The following C9orf40 variants were observed in gnomAD, a reference collection of about 807,000 sequenced individuals.
C9orf40 encodes the protein chromosome 9 open reading frame 40.
A neutral mutation model predicts 7.9 loss-of-function variants in C9orf40; 2 were observed. The observed-to-expected ratio is 0.25, with a 90% CI of 0.10 to 0.80. The LOEUF (loss-of-function observed/expected upper bound fraction) is 0.80. Ranked by LOEUF, C9orf40 falls within the 30% of genes least tolerant of loss-of-function variation. The pLI, the probability that C9orf40 is intolerant of heterozygous loss-of-function variation, is 0.68. For synonymous variants in C9orf40, 113 were observed against 117.6 expected (o/e 0.96, Z 0.25); for missense variants, 256 against 268.5 (o/e 0.95, Z 0.33).
At position 74,952,687 on chromosome 9, in the gene C9orf40, G is replaced by A; in HGVS notation, c.-76C>T. ...ATAGCTGCGGGGGGCGAAGAGCGAG[G>A]ACTGAGCGCGTGAGAGAGGGACAGG... On this transcript the variant is annotated 5_prime_UTR_variant, in exon 1 of 2. Coordinates refer to ENST00000376854, the MANE Select transcript of C9orf40 (RefSeq NM_017998.3). This position sits in a 1 kb window ranked among gnomAD's most constrained non-coding sequence, Gnocchi z 5.4. 2 of 1,362,192 alleles carry A rather than the reference G, an allele frequency of 1.5e-6. No individual in the cohort carries two copies. The highest frequency in any genetic ancestry group is 2.6e-4 in the Middle Eastern group (1 of 3,886). The allele number at this position is 1,362,192 out of a possible 1,614,324, so 84.4% of individuals were successfully genotyped here.
intron 1 of C9orf40, among the ~76,000 whole-genome samples, chr9:74,948,629 G>T (rs542838240): frequency 1.8e-4 from 27 of 152,028 alleles, no homozygotes; most frequent in Non-Finnish European, 3.5e-4. Context: ...TATTTTAGGA[G>T]ATTTACTTTA....
chr9:74,952,779 AG>A lies in C9orf40; in HGVS notation c.-169del. 3 of 568,842 alleles carry A rather than the reference AG, an allele frequency of 5.3e-6. No individual in the cohort carries two copies. The highest frequency in any genetic ancestry group is 8.8e-6 in the Non-Finnish European group (3 of 339,514). The allele number at this position is 568,842 out of a possible 1,614,324, so 35.2% of individuals were successfully genotyped here. On this transcript the variant is annotated 5_prime_UTR_variant, in exon 1 of 2. Transcript: ENST00000376854. The surrounding 1 kb of genome is among the most constrained non-coding windows in gnomAD (Gnocchi z 5.4). ...GGGCGGGGCAGCTCGCGCAGGGCCT[AG>A]GGCTGGGGCTCCGGCTCGGAGGCAG...
In C9orf40 at chr9:74,952,169, CCG is replaced by C; in HGVS notation, c.426+15_426+16del. 2.2e-6 allele frequency: 1 copy of C among 464,154 alleles called. No individual in the cohort carries two copies. The highest frequency in any genetic ancestry group is 3.4e-6 in the Non-Finnish European group (1 of 297,694). 28.8% of individuals were successfully genotyped at this position (464,154 alleles called of 1,614,324 possible). Reference sequence around the variant, plus strand: ...CAAGCCCCTTCGCCCCTCAGCCCACCCGCCCCCAGCCCCTACCTGGCGCGATG... The same window carrying C: ...CAAGCCCCTTCGCCCCTCAGCCCACCCCCCCAGCCCCTACCTGGCGCGATG... On this transcript the variant is annotated intron_variant, in intron 1 of 1. Coordinates refer to ENST00000376854, the MANE Select transcript of C9orf40 (RefSeq NM_017998.3). This position sits in a 1 kb window ranked among gnomAD's most constrained non-coding sequence, Gnocchi z 5.4.
chr9:74,952,088 T>C lies in C9orf40; in HGVS notation c.426+98A>G. 2 of 458,218 alleles carry C rather than the reference T, an allele frequency of 4.4e-6. No individual in the cohort carries two copies. The highest frequency in any genetic ancestry group is 7.2e-6 in the Non-Finnish European group (2 of 277,302). 28.4% of individuals were successfully genotyped at this position (458,218 alleles called of 1,614,324 possible). The stretch of plus-strand genomic sequence containing the variant: ...CTTCTTTCAACCCCCTCAGGCGTCT[T>C]AACCTACACAAGTCATGAGTGGGAA... On this transcript the variant is annotated intron_variant, in intron 1 of 1. Transcript: ENST00000376854. The surrounding 1 kb of genome is among the most constrained non-coding windows in gnomAD (Gnocchi z 5.4).
At chr9:74,948,239 A>G in intron 1 of C9orf40, 33 bp from the exon 2 acceptor site, 1 of 1,506,778 alleles carries the variant, frequency 6.6e-7, no homozygotes, top group Non-Finnish European at 8.9e-7. Context: ...AAAGAGCATC[A>G]ATAGCTTAGA....
chr9:74,950,116 C>G (rs956971195), intron 1 of C9orf40, among the ~76,000 whole-genome samples: 12 of 152,108 alleles, frequency 7.9e-5, no homozygotes, highest in African/African-American at 2.9e-4. Context: ...CCCCAAGACC[C>G]TTTTTTAAAA....
intron 1 of C9orf40, among the ~76,000 whole-genome samples, chr9:74,950,869 T>A (rs1242722534): frequency 2.0e-5 from 3 of 152,160 alleles, no homozygotes. Flanking sequence ...AATTCCTAAG[T>A]CTAGACCAAA....
chr9:74,947,982 G>T lies in C9orf40; in HGVS notation c.*66C>A. ...GTATGGAAAATAACTTTTCCCTTAAGAATACGAGAATTCACTTAGAGACAT... is the reference window on the plus strand; with the variant it reads ...GTATGGAAAATAACTTTTCCCTTAATAATACGAGAATTCACTTAGAGACAT... On this transcript the variant is annotated 3_prime_UTR_variant, in exon 2 of 2. Coordinates refer to ENST00000376854, the MANE Select transcript of C9orf40 (RefSeq NM_017998.3). The T allele has an allele frequency of 6.9e-7, 1 of 1,453,406 alleles. No individual in the cohort carries two copies. The highest frequency in any genetic ancestry group is 9.4e-7 in the Non-Finnish European group (1 of 1,063,314). The allele number at this position is 1,453,406 out of a possible 1,614,324, so 90.0% of individuals were successfully genotyped here.
At chr9:74,951,742 G>A (rs1037092909) in intron 1 of C9orf40, among the ~76,000 whole-genome samples, 1 of 152,302 alleles carries the variant, frequency 6.6e-6, no homozygotes, top group South Asian at 2.1e-4. Context: ...CTACCACACT[G>A]GTCTCCCTCT....
Position 74,952,155 on chromosome 9 carries a change from G to T in C9orf40, c.426+31C>A. 1 of 584,346 alleles carries T rather than the reference G, an allele frequency of 1.7e-6. No homozygotes were observed. Among genetic ancestry groups the T allele is most frequent in the Non-Finnish European group, 2.5e-6 (1 of 403,044 alleles). 36.2% of individuals were successfully genotyped at this position (584,346 alleles called of 1,614,324 possible). A position where few individuals can be genotyped will look rare whatever the true frequency, so the allele number is the denominator to read the frequency against. On this transcript the variant is annotated intron_variant, in intron 1 of 1. Transcript: ENST00000376854. This position sits in a 1 kb window ranked among gnomAD's most constrained non-coding sequence, Gnocchi z 5.4. ...GTGTGGGGAAAAGGCAAGCCCCTTC[G>T]CCCCTCAGCCCACCCGCCCCCAGCC...
rs1191829267 is a variant in C9orf40 at position 74,946,634 on chromosome 9, C to G, written c.*1414G>C. On this transcript the variant is annotated 3_prime_UTR_variant, in exon 2 of 2. Coordinates refer to ENST00000376854, the MANE Select transcript of C9orf40 (RefSeq NM_017998.3). Reference sequence around the variant, plus strand: ...CATTTTACAGGTGAGAAATTTGAGGCTTGGAGATGAAAAATAACTGGCTTA... The same window carrying G: ...CATTTTACAGGTGAGAAATTTGAGGGTTGGAGATGAAAAATAACTGGCTTA... The G allele has an allele frequency of 1.3e-5, 2 of 151,996 alleles. No homozygotes were observed. Among genetic ancestry groups the G allele is most frequent in the Non-Finnish European group, 2.9e-5 (2 of 67,978 alleles). 9.4% of individuals were successfully genotyped at this position (151,996 alleles called of 1,614,324 possible). A position where few individuals can be genotyped will look rare whatever the true frequency, so the allele number is the denominator to read the frequency against.
Position 74,952,784 on chromosome 9 carries a change from T to G in C9orf40, c.-173A>C, listed in dbSNP as rs1465059431. 13 of 550,264 alleles carry G rather than the reference T, an allele frequency of 2.4e-5. No individual in the cohort carries two copies. Among genetic ancestry groups the G allele is most frequent in the Non-Finnish European group, 4.0e-5 (13 of 326,436 alleles). The allele number at this position is 550,264 out of a possible 1,614,324, so 34.1% of individuals were successfully genotyped here. ...GGGCAGCTCGCGCAGGGCCTAGGGC[T>G]GGGGCTCCGGCTCGGAGGCAGCTCC... On this transcript the variant is annotated 5_prime_UTR_variant, in exon 1 of 2. Coordinates refer to ENST00000376854, the MANE Select transcript of C9orf40 (RefSeq NM_017998.3). The surrounding 1 kb of genome is among the most constrained non-coding windows in gnomAD (Gnocchi z 5.4).
chr9:74,949,911 C>T (rs7860570), intron 1 of C9orf40, among the ~76,000 whole-genome samples: 2,056 of 152,044 alleles, frequency 0.014, 42 homozygotes, highest in African/African-American at 0.048. Flanking sequence ...CCTGTAATCC[C>T]AGCTATTTGG....
intron 1 of C9orf40, among the ~76,000 whole-genome samples, chr9:74,949,899 C>T (rs539274760): frequency 5.3e-5 from 8 of 152,150 alleles, no homozygotes; most frequent in Non-Finnish European, 1.0e-4. Flanking sequence ...CAGTGGCTCA[C>T]GCCTGTAATC....
Position 74,952,650 on chromosome 9 carries a change from G to A in C9orf40, c.-39C>T. ...CGGGCGGAGCCCGCCAGGCGCGGGA[G>A]ACCGAGTGCCGATAGCTGCGGGGGG... On this transcript the variant is annotated 5_prime_UTR_variant, in exon 1 of 2. Transcript: ENST00000376854. This position sits in a 1 kb window ranked among gnomAD's most constrained non-coding sequence, Gnocchi z 5.4. The A allele has an allele frequency of 6.7e-7, 1 of 1,503,178 alleles. No homozygotes were observed. The highest frequency in any genetic ancestry group is 8.8e-7 in the Non-Finnish European group (1 of 1,130,584). 93.1% of individuals were successfully genotyped at this position (1,503,178 alleles called of 1,614,324 possible).
At chr9:74,950,834 T>C (rs563262016) in intron 1 of C9orf40, among the ~76,000 whole-genome samples, 1 of 152,256 alleles carries the variant, frequency 6.6e-6, no homozygotes, top group Admixed American at 6.5e-5. Context: ...TCCCCTGCCA[T>C]TCAGGATTGT....
chr9:74,952,736 A>T lies in C9orf40; in HGVS notation c.-125T>A. 1 of 844,028 alleles carries T rather than the reference A, an allele frequency of 1.2e-6. No homozygotes were observed. The highest frequency in any genetic ancestry group is 1.8e-5 in the African/African-American group (1 of 55,924). The allele number at this position is 844,028 out of a possible 1,614,324, so 52.3% of individuals were successfully genotyped here. A position where few individuals can be genotyped will look rare whatever the true frequency, so the allele number is the denominator to read the frequency against. ...GGCCGAAGTCGGGCGAGGAGGCGACAGGACGCTGGAGGGGGTAGGGCGGGG... is the reference window on the plus strand; with the variant it reads ...GGCCGAAGTCGGGCGAGGAGGCGACTGGACGCTGGAGGGGGTAGGGCGGGG... On this transcript the variant is annotated 5_prime_UTR_variant, in exon 1 of 2. Transcript: ENST00000376854. The surrounding 1 kb of genome is among the most constrained non-coding windows in gnomAD (Gnocchi z 5.4).
rs1027593250 is a variant in C9orf40, at chr9:74,946,613, T to C, written c.*1435A>G. ...TAGATACTATTTATTATTTCTCATT[T>C]TACAGGTGAGAAATTTGAGGCTTGG... On this transcript the variant is annotated 3_prime_UTR_variant, in exon 2 of 2. Transcript: ENST00000376854. 1 of 152,120 alleles carries C rather than the reference T, an allele frequency of 6.6e-6. No individual in the cohort carries two copies. Among genetic ancestry groups the C allele is most frequent in the East Asian group, 1.9e-4 (1 of 5,194 alleles). 9.4% of individuals were successfully genotyped at this position (152,120 alleles called of 1,614,324 possible). A position where few individuals can be genotyped will look rare whatever the true frequency, so the allele number is the denominator to read the frequency against.
intron 1 of C9orf40, among the ~76,000 whole-genome samples, chr9:74,949,587 A>G (rs1832276403): frequency 6.6e-6 from 1 of 152,206 alleles, no homozygotes; most frequent in Non-Finnish European, 1.5e-5. Flanking sequence ...GAAAAAAGGT[A>G]TTTGAGGTAG....
Sources: gnomAD v4.1 joint callset for allele counts (sites outside exome capture counted in the v4.1 genomes callset) on GRCh38, gnomAD v4.1.1 for gene constraint, Gnocchi (gnomAD v3.1) non-coding constraint, MANE v1.5 for transcripts, NCBI Gene and HGNC (gene_info 2026-07-23, HGNC 2026-07-21) for gene names.